ITGB5: variants seen among roughly 807,000 people sequenced by gnomAD.
ITGB5 encodes integrin beta-5.
A neutral mutation model predicts 84.8 loss-of-function variants in ITGB5; 38 were observed. The observed-to-expected ratio is 0.45, with a 90% CI of 0.35 to 0.59. The LOEUF (loss-of-function observed/expected upper bound fraction) is 0.59, where lower values mean the gene tolerates loss of function less well. Ranked by LOEUF, ITGB5 falls within the 20% of genes least tolerant of loss-of-function variation. ITGB5 has a pLI of 0.01. For synonymous variants in ITGB5, 393 were observed against 414.4 expected, an observed-to-expected ratio of 0.95 and a Z score of 0.63; for missense variants, 905 against 1,034.5, an observed-to-expected ratio of 0.87 and a Z score of 1.72.
intron 2 of ITGB5, among the ~76,000 whole-genome samples, chr3:124,872,073 T>C (rs1219696746): frequency 3.9e-5 from 6 of 151,990 alleles, no homozygotes; most frequent in Non-Finnish European, 5.9e-5. Context: ...CTGCAGGTCA[T>C]AGAGAACGAA....
At chr3:124,896,281 T>G (rs1214659054) in intron 1 of ITGB5, among the ~76,000 whole-genome samples, 1 of 152,216 alleles carries the variant, frequency 6.6e-6, no homozygotes, top group African/African-American at 2.4e-5. Flanking sequence ...GGGCATTTGA[T>G]AGTTTCCTCT....
intron 10 of ITGB5, 59 bp downstream of exon 10, chr3:124,796,329 G>GGTGT: frequency 3.5e-6 from 5 of 1,445,306 alleles, no homozygotes; most frequent in Non-Finnish European, 4.8e-6. Flanking sequence ...GCTTTGGGAG[G>GGTGT]GTGTCCTAAC....
At chr3:124,810,966 T>C (rs1342368727) in intron 8 of ITGB5, among the ~76,000 whole-genome samples, 1 of 150,720 alleles carries the variant, frequency 6.6e-6, no homozygotes, top group African/African-American at 2.5e-5. Flanking sequence ...AGTGCTAAAG[T>C]TGAATAAGTG....
chr3:124,779,998 G>A (rs1349661538), intron 10 of ITGB5, among the ~76,000 whole-genome samples: 2 of 152,238 alleles, frequency 1.3e-5, no homozygotes, highest in Non-Finnish European at 2.9e-5. Flanking sequence ...GCCAGTCTGA[G>A]CCTTGGCGGG....
chr3:124,822,803 A>G (rs1326033721), intron 5 of ITGB5, among the ~76,000 whole-genome samples: 1 of 152,228 alleles, frequency 6.6e-6, no homozygotes, highest in Non-Finnish European at 1.5e-5. Flanking sequence ...CCAGACCTCA[A>G]AGAGCTTATA....
At chr3:124,900,748 C>T (rs756775865) in intron 1 of ITGB5, among the ~76,000 whole-genome samples, 11 of 152,166 alleles carry the variant, frequency 7.2e-5, no homozygotes, top group Admixed American at 2.6e-4. Context: ...CACCTCACCT[C>T]CCACGGGTGG....
intron 1 of ITGB5, among the ~76,000 whole-genome samples, chr3:124,886,243 G>T (rs1934797925): frequency 6.6e-6 from 1 of 152,098 alleles, no homozygotes; most frequent in Admixed American, 6.5e-5. Flanking sequence ...GATAAAGTCG[G>T]GCAGAAGGAA....
At chr3:124,804,693 G>T (rs1158434177) in intron 9 of ITGB5, among the ~76,000 whole-genome samples, 1 of 152,158 alleles carries the variant, frequency 6.6e-6, no homozygotes, top group East Asian at 1.9e-4. Flanking sequence ...TTGAGAAGGA[G>T]TCTTGTTCTG....
Position 124,873,443 on chromosome 3 carries a change from T to C in ITGB5, c.156+3A>G. On this transcript the variant is annotated splice_donor_region_variant and intron_variant, in intron 2 of 14. Transcript: ENST00000296181. ...TTCTTCCTCCCCTCCCCCACCTACA[T>C]ACCTCTTTGGAGCACCAGGCACATT... 2 of 1,552,780 alleles carry C rather than the reference T, an allele frequency of 1.3e-6. No individual in the cohort carries two copies. Among genetic ancestry groups the C allele is most frequent in the African/African-American group, 1.4e-5 (1 of 73,672 alleles).
intron 11 of ITGB5, among the ~76,000 whole-genome samples, chr3:124,771,361 A>G (rs908975644): frequency 3.9e-5 from 6 of 152,308 alleles, no homozygotes; most frequent in Admixed American, 3.9e-4. Flanking sequence ...CTCTGATGTA[A>G]GTCACCATCA....
At chr3:124,836,174 C>G (rs2064932796) in intron 5 of ITGB5, among the ~76,000 whole-genome samples, 1 of 151,036 alleles carries the variant, frequency 6.6e-6, no homozygotes, top group Admixed American at 6.6e-5. Context: ...GAAAACATGA[C>G]TCTAAATTCA....
intron 2 of ITGB5, among the ~76,000 whole-genome samples, chr3:124,865,477 T>TTTAC (rs1559977024): frequency 5.3e-5 from 4 of 74,782 alleles, no homozygotes; most frequent in Non-Finnish European, 1.0e-4. Context: ...TTTGCGGCTT[T>TTTAC]TTTCTTTTTT....
At chr3:124,812,871 T>G (rs925570849) in intron 8 of ITGB5, among the ~76,000 whole-genome samples, 2 of 152,210 alleles carry the variant, frequency 1.3e-5, no homozygotes, top group Non-Finnish European at 2.9e-5. Flanking sequence ...GTTACATATG[T>G]TCCAACCCAA....
chr3:124,808,895 G>T, intron 9 of ITGB5, 127 bp downstream of exon 9: 1 of 1,064,416 alleles, frequency 9.4e-7, no homozygotes, highest in African/African-American at 1.6e-5. Flanking sequence ...GACTCCTCTG[G>T]GATGCTGAAT....
chr3:124,826,889 G>A (rs2064791258), intron 5 of ITGB5, among the ~76,000 whole-genome samples: 1 of 152,210 alleles, frequency 6.6e-6, no homozygotes, highest in Non-Finnish European at 1.5e-5. Flanking sequence ...TTGGCCCAGA[G>A]GTTGGGCTGC....
At chr3:124,856,342 T>C (rs2065222365) in intron 3 of ITGB5, among the ~76,000 whole-genome samples, 1 of 152,230 alleles carries the variant, frequency 6.6e-6, no homozygotes, top group African/African-American at 2.4e-5. Context: ...GATGCAACTC[T>C]TGTCTAAGTT....
chr3:124,764,356 A>C, intron 14 of ITGB5, 35 bp downstream of exon 14: 1 of 1,584,456 alleles, frequency 6.3e-7, no homozygotes, highest in East Asian at 2.3e-5. Context: ...TCTGAGCTTG[A>C]AGTCTCCTCT....
intron 1 of ITGB5, among the ~76,000 whole-genome samples, chr3:124,898,127 A>G (rs1474241950): frequency 6.6e-6 from 1 of 152,120 alleles, no homozygotes; most frequent in Non-Finnish European, 1.5e-5. Flanking sequence ...GCTTATCAGG[A>G]AGACACATGA....
chr3:124,860,054 G>A (rs190754141), intron 2 of ITGB5, among the ~76,000 whole-genome samples: 80 of 152,284 alleles, frequency 5.3e-4, no homozygotes, highest in African/African-American at 1.8e-3. Context: ...ACAGGCATTG[G>A]ATGCTGGATA....
Sources: allele counts gnomAD v4.1 joint callset (sites outside exome capture counted in the v4.1 genomes callset), GRCh38; gene constraint gnomAD v4.1.1; transcripts MANE v1.5; gene names NCBI Gene and HGNC (gene_info 2026-07-23, HGNC 2026-07-21).